Variants in FLT1 observed in about 807,000 individuals in gnomAD.
The protein encoded by FLT1 is fms related receptor tyrosine kinase 1, also known as vascular endothelial growth factor receptor 1.
A neutral mutation model predicts 156.3 loss-of-function variants in FLT1; 49 were observed. The observed-to-expected ratio is 0.31, with a 90% CI of 0.25 to 0.40. The LOEUF (loss-of-function observed/expected upper bound fraction) is 0.40. Ranked by LOEUF, FLT1 falls within the 10% of genes least tolerant of loss-of-function variation. The pLI is 1.00. For missense variants in FLT1, 1,322 were observed against 1,637.2 expected, an observed-to-expected ratio of 0.81 and a Z score of 3.32; for synonymous variants, 594 against 583.8, an observed-to-expected ratio of 1.02 and a Z score of -0.25.
intron 14 of FLT1, among the ~76,000 whole-genome samples, chr13:28,375,673 C>G (rs910804400): frequency 6.6e-6 from 1 of 152,172 alleles, no homozygotes; most frequent in African/African-American, 2.4e-5. Flanking sequence ...ATGTAGAGAG[C>G]CCCTGACCTT....
intron 3 of FLT1, among the ~76,000 whole-genome samples, chr13:28,445,782 TAGA>T (rs1878583714): frequency 6.6e-6 from 1 of 152,062 alleles, no homozygotes; most frequent in African/African-American, 2.4e-5. Flanking sequence ...TTCCAAAAAA[TAGA>T]AGAGAAGAGA....
At chr13:28,438,006 A>T (rs1878127921) in intron 4 of FLT1, among the ~76,000 whole-genome samples, 1 of 152,228 alleles carries the variant, frequency 6.6e-6, no homozygotes, top group African/African-American at 2.4e-5. Context: ...ATTCACATCG[A>T]TTTATGCTTA....
chr13:28,450,579 G>T (rs923010706), intron 3 of FLT1, among the ~76,000 whole-genome samples: 1 of 151,228 alleles, frequency 6.6e-6, no homozygotes, highest in African/African-American at 2.4e-5. Flanking sequence ...AGGGAGGGAG[G>T]GAAATGAAAA....
chr13:28,317,084 C>G (rs1871241693), intron 25 of FLT1, among the ~76,000 whole-genome samples: 1 of 152,268 alleles, frequency 6.6e-6, no homozygotes, highest in South Asian at 2.1e-4. Flanking sequence ...GGACTGGTCA[C>G]AAGACCAAGG....
chr13:28,426,386 G>A (rs1877343506), intron 10 of FLT1, among the ~76,000 whole-genome samples: 1 of 152,184 alleles, frequency 6.6e-6, no homozygotes, highest in Non-Finnish European at 1.5e-5. Flanking sequence ...AGGAAATGCT[G>A]CACAATTAGC....
chr13:28,357,319 C>T (rs1872931843), intron 15 of FLT1, among the ~76,000 whole-genome samples: 1 of 152,190 alleles, frequency 6.6e-6, no homozygotes, highest in Non-Finnish European at 1.5e-5. Flanking sequence ...ACTTCTCCCG[C>T]AGACACTGTG....
chr13:28,438,417 G>A lies in FLT1; in HGVS notation c.389-72C>T. On this transcript the variant is annotated intron_variant, in intron 3 of 29. Transcript: ENST00000282397. ...TGCAAGCATCTAGACACTGTAGCTA[G>A]TGTGGTATGGTAGGCATTGCCACAG... is the stretch of plus-strand genomic sequence containing the variant. 4 of 1,190,312 alleles carry A rather than the reference G, an allele frequency of 3.4e-6. No homozygotes were observed. The South Asian group carries it at 5.0e-5, about 15-fold the overall frequency. 73.7% of individuals were successfully genotyped at this position (1,190,312 alleles called of 1,614,324 possible).
Position 28,494,972 on chromosome 13 carries a change from C to G in FLT1, c.-129G>C. The G allele has an allele frequency of 1.5e-6, 1 of 658,774 alleles. No individual in the cohort carries two copies. The highest frequency in any genetic ancestry group is 2.4e-6 in the Non-Finnish European group (1 of 424,410). The allele number at this position is 658,774 out of a possible 1,614,324, so 40.8% of individuals were successfully genotyped here. ...CTGAGCGCCCGTCTCGCGGCTCCAG[C>G]CAGGAGACAACCACTTCCCCGGGTA... is the stretch of plus-strand genomic sequence containing the variant. On this transcript the variant is annotated 5_prime_UTR_variant, in exon 1 of 30. Transcript: ENST00000282397.
chr13:28,312,930 CCT>C (rs1267413872), intron 25 of FLT1, among the ~76,000 whole-genome samples: 4 of 151,844 alleles, frequency 2.6e-5, no homozygotes, highest in African/African-American at 9.7e-5. Flanking sequence ...TCAACAGACT[CCT>C]CTGTGATTCT....
intron 14 of FLT1, among the ~76,000 whole-genome samples, chr13:28,381,551 T>A (rs894255267): frequency 2.0e-5 from 3 of 152,136 alleles, no homozygotes; most frequent in Non-Finnish European, 4.4e-5. Context: ...AGAGCAAGAC[T>A]CCATCTCAAA....
chr13:28,363,498 T>C (rs1873182122), intron 14 of FLT1, among the ~76,000 whole-genome samples: 1 of 152,248 alleles, frequency 6.6e-6, no homozygotes. Context: ...TACATAGGTA[T>C]ATATCTGTAC....
intron 10 of FLT1, among the ~76,000 whole-genome samples, chr13:28,426,415 C>T (rs1283502621): frequency 2.6e-5 from 4 of 152,164 alleles, no homozygotes; most frequent in African/African-American, 9.7e-5. Context: ...GGGATGTATT[C>T]ATTTAGCAAA....
chr13:28,450,123 T>C (rs745522207), intron 3 of FLT1, among the ~76,000 whole-genome samples: 2 of 152,214 alleles, frequency 1.3e-5, no homozygotes, highest in African/African-American at 2.4e-5. Flanking sequence ...ACGTATTATG[T>C]ACCCAGCACT....
At chr13:28,444,557 A>G (rs568719910) in intron 3 of FLT1, among the ~76,000 whole-genome samples, 71 of 152,364 alleles carry the variant, frequency 4.7e-4, no homozygotes, top group Non-Finnish European at 8.8e-4. Flanking sequence ...CACCCATCAC[A>G]GCAGGGTATA....
chr13:28,446,233 CT>C (rs1056439923), intron 3 of FLT1, among the ~76,000 whole-genome samples: 4 of 152,258 alleles, frequency 2.6e-5, no homozygotes, highest in East Asian at 1.9e-4. Flanking sequence ...AAGTTTCCCC[CT>C]AAGATCAGGA....
At chr13:28,388,233 C>A in intron 13 of FLT1, 1 of 1,057,638 alleles carries the variant, frequency 9.5e-7, no homozygotes, top group Non-Finnish European at 1.1e-6. Flanking sequence ...ATTTGGGGCT[C>A]CATAAAACTG....
At chr13:28,368,115 A>G (rs1349006846) in intron 14 of FLT1, 3 of 719,116 alleles carry the variant, frequency 4.2e-6, no homozygotes, top group Admixed American at 5.5e-5. Context: ...GTTAAGTTTA[A>G]TAGAATAAAA....
At chr13:28,450,798 C>A (rs1308268923) in intron 3 of FLT1, among the ~76,000 whole-genome samples, 2 of 152,194 alleles carry the variant, frequency 1.3e-5, no homozygotes, top group African/African-American at 2.4e-5. Flanking sequence ...GACTGTCCCA[C>A]AAGCACAGGA....
chr13:28,481,071 A>T (rs1880811975), intron 1 of FLT1, among the ~76,000 whole-genome samples: 1 of 152,200 alleles, frequency 6.6e-6, no homozygotes, highest in South Asian at 2.1e-4. Context: ...CAGGTGACAA[A>T]ACAATGGCAG....
Sources: gnomAD v4.1 joint callset for allele counts (sites outside exome capture counted in the v4.1 genomes callset) on GRCh38, gnomAD v4.1.1 for gene constraint, MANE v1.5 for transcripts, NCBI Gene and HGNC (gene_info 2026-07-23, HGNC 2026-07-21) for gene names.